THTPA: variants seen among roughly 807,000 people sequenced by gnomAD.
THTPA encodes thiamine triphosphatase.
A neutral mutation model predicts 16.5 loss-of-function variants in THTPA; 16 were observed. The observed-to-expected ratio is 0.97, with a 90% CI of 0.66 to 1.47. The LOEUF is 1.47. Among genes scored for constraint, THTPA ranks in the 40% most tolerant of loss-of-function variants. THTPA has a pLI of 0.00. For missense variants in THTPA, 281 were observed against 280.9 expected (o/e 1.00, Z 0.00); for synonymous variants, 110 against 115.5 (o/e 0.95, Z 0.30).
the THTPA span, chr14:23,534,102 G>A: frequency 6.7e-7 from 1 of 1,495,174 alleles, no homozygotes; most frequent in Non-Finnish European, 8.9e-7. This position sits in a 1 kb window ranked among gnomAD's most constrained non-coding sequence, Gnocchi z 4.5. Flanking sequence ...GGTCTTCGGG[G>A]GAGCCCACTG....
chr14:23,560,013 G>T lies in THTPA; in HGVS notation c.*1173G>T, dbSNP rs200801271. 102 of 1,610,272 alleles carry T rather than the reference G, an allele frequency of 6.3e-5. No homozygotes were observed. Among genetic ancestry groups the T allele is most frequent in the Non-Finnish European group, 8.3e-5 (98 of 1,177,708 alleles). On this transcript the variant is annotated 3_prime_UTR_variant, in exon 2 of 2. Coordinates refer to ENST00000288014, the MANE Select transcript of THTPA (RefSeq NM_024328.6). ...GAGCTGGAACTGTGTTCCCACTGGG[G>T]GCCTGCAGCTGCAGCTGGAGACTCT...
Position 23,560,015 on chromosome 14 carries a change from C to CCTGCAG in THTPA, c.*1185_*1190dup. On this transcript the variant is annotated 3_prime_UTR_variant, in exon 2 of 2. Coordinates refer to ENST00000288014, the MANE Select transcript of THTPA (RefSeq NM_024328.6). ...GCTGGAACTGTGTTCCCACTGGGGG[C>CCTGCAG]CTGCAGCTGCAGCTGGAGACTCTGA... is the stretch of plus-strand genomic sequence containing the variant. 6.2e-7 allele frequency: 1 copy of CCTGCAG among 1,609,106 alleles called. No individual in the cohort carries two copies. The highest frequency in any genetic ancestry group is 8.5e-7 in the Non-Finnish European group (1 of 1,176,712).
At chr14:23,530,757 C>T in the THTPA span, 5 of 278,306 alleles carry the variant, frequency 1.8e-5, no homozygotes, top group Non-Finnish European at 2.8e-5. Flanking sequence ...CCCTCCGGCA[C>T]TTAACTCCAG....
the THTPA span, chr14:23,535,442 T>G: frequency 5.4e-6 from 7 of 1,293,196 alleles, no homozygotes; most frequent in Non-Finnish European, 7.1e-6. This position sits in a 1 kb window ranked among gnomAD's most constrained non-coding sequence, Gnocchi z 4.5. Context: ...GCTGGATCTC[T>G]GGATACTCCT....
At chr14:23,521,681 G>C in the THTPA span, 2 of 427,172 alleles carry the variant, frequency 4.7e-6, no homozygotes, top group Non-Finnish European at 8.3e-6. Context: ...TGAATAATCA[G>C]GGTGCCAAGA....
the THTPA span, chr14:23,524,486 A>C: frequency 6.5e-7 from 1 of 1,530,470 alleles, no homozygotes; most frequent in African/African-American, 1.4e-5. This position sits in a 1 kb window ranked among gnomAD's most constrained non-coding sequence, Gnocchi z 5.6. Flanking sequence ...GGTGGCTGCC[A>C]CCAGGGGGTT....
the THTPA span, chr14:23,529,870 A>C: frequency 8.2e-7 from 1 of 1,222,166 alleles, no homozygotes; most frequent in Non-Finnish European, 1.2e-6. Context: ...GAGAAAGGGC[A>C]GGAAACTCAG....
At chr14:23,552,308 T>TC (rs1008689176), upstream of THTPA, among the ~76,000 whole-genome samples, 1 of 150,528 alleles carries the variant, frequency 6.6e-6, no homozygotes, top group African/African-American at 2.5e-5. Flanking sequence ...TTTTTTTTTT[T>TC]CTGGAGACGG....
chr14:23,517,419 G>A, the THTPA span, among the ~76,000 whole-genome samples: 1 of 152,052 alleles, frequency 6.6e-6, no homozygotes. Flanking sequence ...CCTGAGGCTG[G>A]GTCTACAGAC....
At chr14:23,533,846 G>A in the THTPA span, 17 of 1,539,334 alleles carry the variant, frequency 1.1e-5, no homozygotes, top group East Asian at 2.4e-5. This position sits in a 1 kb window ranked among gnomAD's most constrained non-coding sequence, Gnocchi z 4.8. Flanking sequence ...CGAGCAAGGC[G>A]GGGGTGGGCG....
chr14:23,548,874 T>TTG, the THTPA span, among the ~76,000 whole-genome samples: 1 of 152,178 alleles, frequency 6.6e-6, no homozygotes, highest in Non-Finnish European at 1.5e-5. Context: ...CTCGCTCTCT[T>TTG]CGCATCAGTC....
At chr14:23,529,503 C>T in the THTPA span, 6 of 571,580 alleles carry the variant, frequency 1.0e-5, no homozygotes, top group South Asian at 1.2e-4. Context: ...CTCCTATCAT[C>T]TCCCTCTGTG....
At chr14:23,529,913 G>A in the THTPA span, 2,836 of 984,468 alleles carry the variant, frequency 2.9e-3, 69 homozygotes, top group African/African-American at 0.039. Flanking sequence ...GGCTGACTCC[G>A]GGTCAGTAGG....
At chr14:23,533,514 C>T in the THTPA span, 2 of 1,536,092 alleles carry the variant, frequency 1.3e-6, no homozygotes, top group Non-Finnish European at 1.7e-6. This position sits in a 1 kb window ranked among gnomAD's most constrained non-coding sequence, Gnocchi z 4.8. Flanking sequence ...GGCCCAGCGG[C>T]AGCCCCTGGT....
At chr14:23,522,477 G>A in the THTPA span, 1 of 1,535,340 alleles carries the variant, frequency 6.5e-7, no homozygotes, top group Non-Finnish European at 8.7e-7. Flanking sequence ...GGTGGCGGCT[G>A]GAGGAGGGCA....
chr14:23,547,895 A>G, the THTPA span, among the ~76,000 whole-genome samples: 6 of 152,214 alleles, frequency 3.9e-5, no homozygotes, highest in African/African-American at 1.2e-4. Flanking sequence ...TCAGATGACC[A>G]TGTGACTAAC....
the THTPA span, chr14:23,544,283 G>GAAAAAAAAA: frequency 1.8e-4 from 13 of 71,352 alleles, no homozygotes; most frequent in African/African-American, 2.4e-4. Flanking sequence ...ACAGAAAACA[G>GAAAAAAAAA]AAAAAAAAAA....
chr14:23,553,888 C>T (rs901337024), upstream of THTPA, among the ~76,000 whole-genome samples: 13 of 151,880 alleles, frequency 8.6e-5, no homozygotes, highest in Admixed American at 3.3e-4. Context: ...AGCGAGACTC[C>T]GTCTCAAACA....
At chr14:23,533,102 AT>A in the THTPA span, 1 of 1,494,932 alleles carries the variant, frequency 6.7e-7, no homozygotes, top group African/African-American at 1.4e-5. The surrounding 1 kb of genome is among the most constrained non-coding windows in gnomAD (Gnocchi z 4.8). Flanking sequence ...ACAGAGACAG[AT>A]TAGTGGCCCA....
Sources: allele counts gnomAD v4.1 joint callset (sites outside exome capture counted in the v4.1 genomes callset), GRCh38; gene constraint gnomAD v4.1.1; non-coding constraint Gnocchi (gnomAD v3.1); transcripts MANE v1.5; gene names NCBI Gene and HGNC (gene_info 2026-07-23, HGNC 2026-07-21).